The following FMNL2 variants were observed in gnomAD, a reference collection of about 807,000 sequenced individuals.
FMNL2 encodes the protein formin like 2.
In FMNL2, 51 loss-of-function variants were observed where a neutral mutation model predicts 130.2. The observed-to-expected ratio is 0.39, with a 90% CI of 0.31 to 0.49. FMNL2 has a LOEUF of 0.49. Ranked by LOEUF, FMNL2 falls within the 20% of genes least tolerant of loss-of-function variation. The pLI is 0.85. For synonymous variants in FMNL2, 465 were observed against 467.1 expected (o/e 1.00, Z 0.06); for missense variants, 977 against 1,316.2 (o/e 0.74, Z 3.99).
intron 10 of FMNL2, 24 bp from the exon 11 acceptor site, chr2:152,611,471 A>G: frequency 2.1e-6 from 3 of 1,461,084 alleles, no homozygotes; most frequent in Non-Finnish European, 2.8e-6. Flanking sequence ...GAGCCCATCT[A>G]ACCCCTTGAC....
intron 1 of FMNL2, among the ~76,000 whole-genome samples, chr2:152,441,875 A>C (rs1270711428): frequency 6.6e-6 from 1 of 152,034 alleles, no homozygotes; most frequent in African/African-American, 2.4e-5. Context: ...CAGTAGAGTT[A>C]AAATAGATGA....
chr2:152,428,145 C>T (rs1687292555), intron 1 of FMNL2, among the ~76,000 whole-genome samples: 1 of 152,206 alleles, frequency 6.6e-6, no homozygotes, highest in South Asian at 2.1e-4. Context: ...GCCAACTTTG[C>T]ATTTTATCAA....
chr2:152,643,148 C>A (rs1362531635), intron 25 of FMNL2, among the ~76,000 whole-genome samples: 4 of 152,174 alleles, frequency 2.6e-5, no homozygotes, highest in Non-Finnish European at 4.4e-5. Context: ...CATTAATCTA[C>A]TAGAAGAGGG....
intron 1 of FMNL2, among the ~76,000 whole-genome samples, chr2:152,387,341 A>G (rs890386581): frequency 3.9e-5 from 6 of 152,238 alleles, no homozygotes; most frequent in African/African-American, 1.4e-4. Flanking sequence ...ACACCAGCCC[A>G]GGGCCTTGCT....
At chr2:152,389,946 G>T in intron 1 of FMNL2, 1 of 1,205,818 alleles carries the variant, frequency 8.3e-7, no homozygotes, top group East Asian at 2.5e-5. Context: ...AGGAAGCCAA[G>T]TCAGAGACCT....
chr2:152,437,760 A>G (rs1687842676), intron 1 of FMNL2, among the ~76,000 whole-genome samples: 2 of 152,226 alleles, frequency 1.3e-5, no homozygotes, highest in Non-Finnish European at 2.9e-5. Flanking sequence ...GTGACACAGT[A>G]GTCCCCCTCT....
chr2:152,579,036 A>C, intron 8 of FMNL2, 72 bp downstream of exon 8: 1 of 1,242,298 alleles, frequency 8.0e-7, no homozygotes. Context: ...CACTTAACCA[A>C]GTTTGACTTT....
At chr2:152,501,824 AC>A (rs1691853407) in intron 1 of FMNL2, among the ~76,000 whole-genome samples, 1 of 151,938 alleles carries the variant, frequency 6.6e-6, no homozygotes, top group Non-Finnish European at 1.5e-5. Context: ...GGTCCTGTGA[AC>A]CCCCTGCGAT....
At chr2:152,516,142 G>A (rs922650477) in intron 1 of FMNL2, among the ~76,000 whole-genome samples, 13 of 152,096 alleles carry the variant, frequency 8.5e-5, no homozygotes, top group Non-Finnish European at 1.0e-4. Flanking sequence ...TGGCTCCGGG[G>A]AAGGGAACAT....
chr2:152,393,755 G>C (rs1002390022), intron 1 of FMNL2, among the ~76,000 whole-genome samples: 1 of 152,192 alleles, frequency 6.6e-6, no homozygotes, highest in Non-Finnish European at 1.5e-5. Flanking sequence ...GTAGGTCAGA[G>C]GTTAGCTAAC....
chr2:152,336,131 C>T (rs1379591143), intron 1 of FMNL2, among the ~76,000 whole-genome samples: 1 of 136,546 alleles, frequency 7.3e-6, no homozygotes, highest in Non-Finnish European at 1.6e-5. Flanking sequence ...ACACCCTGAG[C>T]CCCTGCGGAC....
At chr2:152,513,994 G>T (rs985550388) in intron 1 of FMNL2, among the ~76,000 whole-genome samples, 1 of 152,142 alleles carries the variant, frequency 6.6e-6, no homozygotes, top group Admixed American at 6.6e-5. Context: ...ATGCCAGGTA[G>T]TTGTTTGGAC....
At chr2:152,642,651 T>C (rs1683197029) in intron 25 of FMNL2, among the ~76,000 whole-genome samples, 1 of 152,212 alleles carries the variant, frequency 6.6e-6, no homozygotes, top group East Asian at 1.9e-4. Context: ...AAGCACTTTT[T>C]GGTCTCAGTG....
intron 1 of FMNL2, among the ~76,000 whole-genome samples, chr2:152,465,152 T>C (rs1006472135): frequency 3.3e-5 from 5 of 152,190 alleles, no homozygotes; most frequent in East Asian, 1.9e-4. Flanking sequence ...AGAGGCTTCA[T>C]AGAGAAGGGG....
intron 6 of FMNL2, among the ~76,000 whole-genome samples, chr2:152,574,344 G>T (rs1159461698): frequency 1.4e-5 from 2 of 142,422 alleles, no homozygotes; most frequent in South Asian, 4.4e-4. Context: ...GCTGAGGCAG[G>T]AGAATCGCTT....
intron 1 of FMNL2, among the ~76,000 whole-genome samples, chr2:152,492,066 A>G (rs1691242299): frequency 6.6e-6 from 1 of 152,204 alleles, no homozygotes; most frequent in South Asian, 2.1e-4. Flanking sequence ...GTAAAAATAA[A>G]AAGTACTGGC....
chr2:152,414,737 A>G (rs1686511218), intron 1 of FMNL2, among the ~76,000 whole-genome samples: 1 of 152,202 alleles, frequency 6.6e-6, no homozygotes, highest in Non-Finnish European at 1.5e-5. Flanking sequence ...AAGTCTTTAC[A>G]ACTCTGCACC....
intron 21 of FMNL2, among the ~76,000 whole-genome samples, chr2:152,635,883 AAG>A (rs1231564679): frequency 6.6e-6 from 1 of 152,192 alleles, no homozygotes; most frequent in African/African-American, 2.4e-5. Flanking sequence ...GAAATGCAAA[AAG>A]AGTTGTAATC....
intron 1 of FMNL2, among the ~76,000 whole-genome samples, chr2:152,420,711 C>T (rs1449880723): frequency 2.6e-5 from 4 of 151,992 alleles, no homozygotes; most frequent in Non-Finnish European, 5.9e-5. Context: ...GATCTGCAGA[C>T]TAAAGCAAAG....
Sources: allele counts gnomAD v4.1 joint callset (sites outside exome capture counted in the v4.1 genomes callset), GRCh38; gene constraint gnomAD v4.1.1; transcripts MANE v1.5; gene names NCBI Gene and HGNC (gene_info 2026-07-23, HGNC 2026-07-21).